The following PRDM15 variants were observed in gnomAD, a reference collection of about 807,000 sequenced individuals.
The protein encoded by PRDM15 is PR domain zinc finger protein 15.
In PRDM15, 64 loss-of-function variants were observed where a neutral mutation model predicts 128.6. The ratio of observed to expected loss-of-function variants is 0.50; its 90% CI spans 0.41 to 0.61. The LOEUF is 0.61. Ranked by LOEUF, PRDM15 falls within the 20% of genes least tolerant of loss-of-function variation. PRDM15 has a pLI of 0.00. For synonymous variants in PRDM15, 615 were observed against 621.8 expected (o/e 0.99, Z 0.16); for missense variants, 1,242 against 1,569.1 (o/e 0.79, Z 3.52).
intron 10 of PRDM15, 98 bp from the exon 11 acceptor site, chr21:41,835,622 T>C: frequency 1.1e-6 from 1 of 872,766 alleles, no homozygotes; most frequent in Non-Finnish European, 1.9e-6. Context: ...CGCCTGTGTC[T>C]GTTATGACTC....
intron 1 of PRDM15, among the ~76,000 whole-genome samples, chr21:41,866,723 C>T (rs2145973899): frequency 6.6e-6 from 1 of 152,350 alleles, no homozygotes; most frequent in African/African-American, 2.4e-5. Context: ...ACATGGCCAG[C>T]TGGTGTTGAA....
chr21:41,813,753 T>C, intron 19 of PRDM15: 1 of 152,624 alleles, frequency 6.6e-6, no homozygotes, highest in South Asian at 2.1e-4. Flanking sequence ...TTTGTGTTAG[T>C]GATTGCGCAG....
At chr21:41,864,351 CAG>C (rs1344316072) in intron 1 of PRDM15, among the ~76,000 whole-genome samples, 2 of 152,070 alleles carry the variant, frequency 1.3e-5, no homozygotes, top group Non-Finnish European at 2.9e-5. Context: ...CTTAGAAAAA[CAG>C]AGAAAATCTT....
At chr21:41,875,475 A>G (rs1441017117) in intron 1 of PRDM15, among the ~76,000 whole-genome samples, 2 of 152,260 alleles carry the variant, frequency 1.3e-5, no homozygotes, top group Non-Finnish European at 2.9e-5. Context: ...CCTGTTTTAA[A>G]CAGCTGCAAG....
Position 41,869,483 on chromosome 21 carries a change from A to G in PRDM15, c.-9-9111T>C, listed in dbSNP as rs115390711. ...TGAGACATGGTGGAGTTTCACTGTT[A>G]TTGCCCAGGCTGGGGTCCAATGGTG... On this transcript the variant is annotated intron_variant, in intron 1 of 23. Transcript: ENST00000398548. Among the ~76,000 whole-genome samples, 276 of 111,404 alleles carry G rather than the reference A, an allele frequency of 2.5e-3. 3 individuals carry two copies. Among genetic ancestry groups the G allele is most frequent in the African/African-American group, 9.0e-3 (253 of 28,190 alleles). The allele number at this position is 111,404 out of a possible 152,430, so 73.1% of individuals were successfully genotyped here.
chr21:41,858,411 T>G (rs13046473), intron 3 of PRDM15, among the ~76,000 whole-genome samples: 8 of 129,980 alleles, frequency 6.2e-5, no homozygotes, highest in East Asian at 2.4e-4. Context: ...AGGCGGACAT[T>G]GGGTGCCCAG....
rs114174551 is a variant in PRDM15, at chr21:41,810,851, G to A, written c.2393-15C>T. 3.7e-6 allele frequency: 6 copies of A among 1,611,920 alleles called. No homozygotes were observed. Among genetic ancestry groups the A allele is most frequent in the African/African-American group, 2.7e-5 (2 of 74,990 alleles). Reference sequence around the variant, plus strand: ...ATCTTTAATCCCTGCAGAGAAAGGCGCACATAACTTCCTACGTTTAATGAG... The same window carrying A: ...ATCTTTAATCCCTGCAGAGAAAGGCACACATAACTTCCTACGTTTAATGAG... On this transcript the variant is annotated splice_polypyrimidine_tract_variant and intron_variant, in intron 19 of 23. Transcript: ENST00000398548. The surrounding 1 kb of genome is among the most constrained non-coding windows in gnomAD (Gnocchi z 6.4).
intron 11 of PRDM15, among the ~76,000 whole-genome samples, chr21:41,833,104 G>A (rs550958965): frequency 6.6e-6 from 1 of 152,188 alleles, no homozygotes; most frequent in Admixed American, 6.5e-5. Flanking sequence ...GATGGAGAGG[G>A]GATTATTGGG....
At chr21:41,834,914 C>G (rs2062820656) in intron 11 of PRDM15, among the ~76,000 whole-genome samples, 1 of 152,210 alleles carries the variant, frequency 6.6e-6, no homozygotes, top group African/African-American at 2.4e-5. Context: ...AAGGAAAATG[C>G]TTTATTTTTG....
At chr21:41,825,812 G>A in intron 13 of PRDM15, 148 bp downstream of exon 13, 1 of 598,658 alleles carries the variant, frequency 1.7e-6, no homozygotes, top group Non-Finnish European at 2.9e-6. Flanking sequence ...GTTTAAAATG[G>A]GTGGACACCA....
In PRDM15 at chr21:41,854,886, G is replaced by T. The variant is rs576432110; in HGVS notation, c.286-68C>A. 2.6e-5 allele frequency: 40 copies of T among 1,531,450 alleles called. No individual in the cohort carries two copies. The highest frequency in any genetic ancestry group is 1.7e-4 in the Middle Eastern group (1 of 5,760). 94.9% of individuals were successfully genotyped at this position (1,531,450 alleles called of 1,614,324 possible). On this transcript the variant is annotated intron_variant, in intron 4 of 23. Transcript: ENST00000398548. This position sits in a 1 kb window ranked among gnomAD's most constrained non-coding sequence, Gnocchi z 4.6. ...ATTACCCATCTGTGTATCAGCGTGT[G>T]GGGGGCAGGTGCTGAGGAACCCATC...
intron 22 of PRDM15, among the ~76,000 whole-genome samples, chr21:41,803,389 C>A (rs1250349456): frequency 1.3e-5 from 2 of 152,244 alleles, no homozygotes; most frequent in African/African-American, 4.8e-5. Flanking sequence ...GAGGGCCCAG[C>A]TGCAGTGGTG....
At chr21:41,833,747 C>A (rs763889807) in intron 11 of PRDM15, among the ~76,000 whole-genome samples, 1 of 152,198 alleles carries the variant, frequency 6.6e-6, no homozygotes, top group Non-Finnish European at 1.5e-5. Context: ...GGCCTAACAG[C>A]ACCTCTGGCT....
At chr21:41,806,189 TCAC>T (rs1568881124) in intron 21 of PRDM15, among the ~76,000 whole-genome samples, 1 of 2,324 alleles carries the variant, frequency 4.3e-4, no homozygotes, top group Non-Finnish European at 8.3e-4. Context: ...ACCACCACCA[TCAC>T]CACCACCACC....
chr21:41,830,189 A>C (rs1321123858), intron 11 of PRDM15, among the ~76,000 whole-genome samples: 2 of 148,662 alleles, frequency 1.3e-5, no homozygotes, highest in African/African-American at 5.0e-5. Flanking sequence ...ACATACCCCC[A>C]ACACAAATAC....
chr21:41,820,569 T>C lies in PRDM15; in HGVS notation c.2061-395A>G, dbSNP rs2062220981. 2.6e-5 allele frequency among the ~76,000 whole-genome samples: 4 copies of C among 152,084 alleles called. No individual in the cohort carries two copies. The South Asian group carries it at 8.3e-4, about 32-fold the overall frequency. On this transcript the variant is annotated intron_variant, in intron 16 of 23. Transcript: ENST00000398548. ...CATTTAAGGGCCAAGGAGAGAAGTG[T>C]CAGAGGAGGCGGCCCTGCCGCCACC...
intron 21 of PRDM15, among the ~76,000 whole-genome samples, chr21:41,807,918 A>C (rs904935576): frequency 2.0e-5 from 3 of 152,156 alleles, no homozygotes; most frequent in Non-Finnish European, 2.9e-5. Flanking sequence ...GGCAACACAC[A>C]GCCCAGTTGA....
intron 1 of PRDM15, chr21:41,871,709 T>A: frequency 2.1e-6 from 3 of 1,424,984 alleles, no homozygotes; most frequent in Non-Finnish European, 2.9e-6. Context: ...AAACTAACAG[T>A]GGTCCTCTGT....
intron 19 of PRDM15, chr21:41,812,565 ACT>A (rs1244429847): frequency 6.6e-6 from 1 of 151,956 alleles, no homozygotes; most frequent in Non-Finnish European, 1.5e-5. Flanking sequence ...GCCCTTAGCG[ACT>A]CTGATTGAGA....
Sources: gnomAD v4.1 joint callset for allele counts (sites outside exome capture counted in the v4.1 genomes callset) on GRCh38, gnomAD v4.1.1 for gene constraint, Gnocchi (gnomAD v3.1) non-coding constraint, MANE v1.5 for transcripts, NCBI Gene and HGNC (gene_info 2026-07-23, HGNC 2026-07-21) for gene names.